Variants in GPHN observed in about 807,000 individuals in gnomAD.
GPHN encodes the protein gephyrin.
A neutral mutation model predicts 95.5 loss-of-function variants in GPHN; 17 were observed. That is an observed-to-expected ratio of 0.18 (90% CI 0.12 to 0.27). The LOEUF is 0.27. Among genes scored for constraint, GPHN ranks in the 10% least tolerant of loss-of-function variants. The pLI is 1.00. For missense variants in GPHN, 660 were observed against 978.1 expected, an observed-to-expected ratio of 0.67 and a Z score of 4.34; for synonymous variants, 320 against 322.5, an observed-to-expected ratio of 0.99 and a Z score of 0.08.
intron 10 of GPHN, among the ~76,000 whole-genome samples, chr14:67,049,140 CTTCTG>C (rs1282730892): frequency 3.9e-5 from 6 of 152,082 alleles, no homozygotes; most frequent in Non-Finnish European, 7.4e-5. Context: ...TTCTAACAAA[CTTCTG>C]TTCTACAGTC....
At chr14:67,493,126 A>G in the GPHN span, among the ~76,000 whole-genome samples, 1 of 152,216 alleles carries the variant, frequency 6.6e-6, no homozygotes, top group Admixed American at 6.5e-5. Context: ...CTGAAGTAGG[A>G]GAAAGTTAGA....
At chr14:67,021,480 T>C (rs1396452309) in intron 9 of GPHN, among the ~76,000 whole-genome samples, 1 of 152,096 alleles carries the variant, frequency 6.6e-6, no homozygotes, top group African/African-American at 2.4e-5. Flanking sequence ...ACACTTGGGT[T>C]TCTTTATTCA....
intron 1 of GPHN, among the ~76,000 whole-genome samples, chr14:66,559,098 T>C (rs1446483456): frequency 6.6e-6 from 1 of 152,228 alleles, no homozygotes; most frequent in Non-Finnish European, 1.5e-5. Context: ...TAGTATTCCA[T>C]GGTGTATATA....
chr14:67,150,398 G>A (rs1216180013), intron 18 of GPHN, among the ~76,000 whole-genome samples: 1 of 119,916 alleles, frequency 8.3e-6, no homozygotes, highest in Non-Finnish European at 1.6e-5. Context: ...CCGAGATCCC[G>A]CCACTGCACT....
intron 17 of GPHN, among the ~76,000 whole-genome samples, chr14:67,135,967 A>C (rs1044091794): frequency 2.0e-5 from 3 of 152,236 alleles, no homozygotes; most frequent in Non-Finnish European, 4.4e-5. Flanking sequence ...GACTGTAATT[A>C]CCTTCATCTA....
intron 11 of GPHN, among the ~76,000 whole-genome samples, chr14:67,078,570 A>C (rs2076579957): frequency 6.6e-6 from 1 of 152,162 alleles, no homozygotes; most frequent in Non-Finnish European, 1.5e-5. Flanking sequence ...ACATCTGTGT[A>C]AGTATCTGTA....
the GPHN span, chr14:67,649,019 C>A: frequency 6.6e-6 from 1 of 152,128 alleles, no homozygotes; most frequent in Non-Finnish European, 1.5e-5. Flanking sequence ...TTAGGCAGTA[C>A]AAAAAGGCAG....
At chr14:67,353,046 T>C in the GPHN span, 1 of 1,590,726 alleles carries the variant, frequency 6.3e-7, no homozygotes, top group East Asian at 2.2e-5. Flanking sequence ...GTGCCCTATA[T>C]AAACATAAAC....
chr14:67,210,811 G>A, the GPHN span, among the ~76,000 whole-genome samples: 22 of 151,926 alleles, frequency 1.4e-4, no homozygotes, highest in Non-Finnish European at 2.6e-4. Flanking sequence ...CCAGGAGTTC[G>A]AGACCAGCCT....
Position 66,821,524 on chromosome 14 carries a change from A to G in GPHN, c.202-2950A>G, listed in dbSNP as rs191705745. 4.6e-5 allele frequency among the ~76,000 whole-genome samples: 7 copies of G among 152,274 alleles called. No individual in the cohort carries two copies. The East Asian group carries it at 1.4e-3, about 29-fold the overall frequency. On this transcript the variant is annotated intron_variant, in intron 3 of 22. Transcript: ENST00000478722. ...TCCTTGAGACCAGAGATACTGCCTT[A>G]TTTATCTTTGCATTGCTGTTCTCTA...
chr14:66,992,851 A>T (rs764630928), intron 9 of GPHN, among the ~76,000 whole-genome samples: 1 of 152,146 alleles, frequency 6.6e-6, no homozygotes, highest in African/African-American at 2.4e-5. Flanking sequence ...TTTAAAAATA[A>T]TGTTTTATTA....
the GPHN span, chr14:67,503,562 T>C: frequency 6.6e-6 from 1 of 152,168 alleles, no homozygotes; most frequent in East Asian, 1.9e-4. Context: ...CTGCGGGAAA[T>C]GACAGAGGGT....
intron 18 of GPHN, among the ~76,000 whole-genome samples, chr14:67,154,117 A>G (rs1202870747): frequency 1.3e-5 from 2 of 152,102 alleles, no homozygotes; most frequent in South Asian, 2.1e-4. Context: ...TATCTCTTCA[A>G]ACTCTGCTTA....
chr14:67,436,230 C>A, the GPHN span, among the ~76,000 whole-genome samples: 1 of 152,296 alleles, frequency 6.6e-6, no homozygotes, highest in African/African-American at 2.4e-5. Context: ...GAAGCCTGGG[C>A]AAATGCCCAG....
chr14:66,648,799 A>T (rs1313676590), intron 1 of GPHN, among the ~76,000 whole-genome samples: 1 of 152,216 alleles, frequency 6.6e-6, no homozygotes, highest in Non-Finnish European at 1.5e-5. Flanking sequence ...AATGAAAACC[A>T]TTAAAGTGGG....
At chr14:67,722,768 G>C in the GPHN span, 1 of 1,361,636 alleles carries the variant, frequency 7.3e-7, no homozygotes, top group Non-Finnish European at 1.1e-6. Flanking sequence ...CTGGAAGCCG[G>C]TTCTCAGCTG....
chr14:67,688,097 CTCTAATCCATTTAATT>C, the GPHN span, among the ~76,000 whole-genome samples: 1 of 152,020 alleles, frequency 6.6e-6, no homozygotes, highest in Non-Finnish European at 1.5e-5. Flanking sequence ...CTATCAGTAC[CTCTAATCCATTTAATT>C]TCTAATCATC....
chr14:66,692,975 A>T (rs2067875150), intron 2 of GPHN, among the ~76,000 whole-genome samples: 1 of 152,064 alleles, frequency 6.6e-6, no homozygotes, highest in African/African-American at 2.4e-5. Flanking sequence ...ACTATTGTTT[A>T]TGTGGGTAAC....
the GPHN span, among the ~76,000 whole-genome samples, chr14:67,495,916 T>C: frequency 2.0e-5 from 3 of 152,252 alleles, no homozygotes; most frequent in Admixed American, 2.0e-4. Flanking sequence ...AGGTGCCCCA[T>C]TTCAACACCT....
Sources: allele counts gnomAD v4.1 joint callset (sites outside exome capture counted in the v4.1 genomes callset), GRCh38; gene constraint gnomAD v4.1.1; transcripts MANE v1.5; gene names NCBI Gene and HGNC (gene_info 2026-07-23, HGNC 2026-07-21).